The following TRAPPC9 variants were observed in gnomAD, a reference collection of about 807,000 sequenced individuals.
TRAPPC9 encodes trafficking protein particle complex subunit 9.
Under a neutral mutation model 124.0 loss-of-function variants are expected in TRAPPC9, and 83 were observed. That is an observed-to-expected ratio of 0.67 (90% CI 0.56 to 0.80). The LOEUF (loss-of-function observed/expected upper bound fraction) is 0.80, where lower values mean the gene tolerates loss of function less well. TRAPPC9 is among the 30% of genes least tolerant of loss of function. The pLI is 0.00. For synonymous variants in TRAPPC9, 638 were observed against 617.5 expected, an observed-to-expected ratio of 1.03 and a Z score of -0.49; for missense variants, 1,302 against 1,508.3, an observed-to-expected ratio of 0.86 and a Z score of 2.27.
intron 17 of TRAPPC9, among the ~76,000 whole-genome samples, chr8:140,092,760 G>T (rs941220660): frequency 2.6e-5 from 4 of 152,116 alleles, no homozygotes; most frequent in African/African-American, 9.7e-5. Flanking sequence ...TGGAAATGAT[G>T]GTGACTTTTT....
At chr8:140,192,622 C>T (rs185516758) in intron 17 of TRAPPC9, among the ~76,000 whole-genome samples, 4 of 152,306 alleles carry the variant, frequency 2.6e-5, no homozygotes, top group South Asian at 2.1e-4. Flanking sequence ...AAACCTGCTC[C>T]GACGAGGTTT....
At chr8:140,187,280 G>C (rs1002990978) in intron 17 of TRAPPC9, among the ~76,000 whole-genome samples, 1 of 152,160 alleles carries the variant, frequency 6.6e-6, no homozygotes, top group Non-Finnish European at 1.5e-5. Context: ...TTGAGTATAC[G>C]CGGGGGCCTT....
In TRAPPC9 at chr8:139,851,165, C is replaced by G. The variant is rs144076757; in HGVS notation, c.3055+34714G>C. 1.2e-3 allele frequency among the ~76,000 whole-genome samples: 184 copies of G among 152,320 alleles called. No homozygotes were observed. The South Asian group carries it at 0.016, about 14-fold the overall frequency. On this transcript the variant is annotated intron_variant, in intron 21 of 22. Coordinates refer to ENST00000438773, the MANE Select transcript of TRAPPC9 (RefSeq NM_001160372.4). ...ACTTCTGTATAACAATGTGATCAGA[C>G]AGCGATATGAACCACTGCAGAGAGG...
intron 21 of TRAPPC9, among the ~76,000 whole-genome samples, 197 bp from the exon 22 acceptor site, chr8:139,732,399 G>C (rs1467296939): frequency 6.6e-6 from 1 of 152,252 alleles, no homozygotes; most frequent in Non-Finnish European, 1.5e-5. Context: ...TGGCAAAGAC[G>C]GGTGTGGTGG....
intron 19 of TRAPPC9, among the ~76,000 whole-genome samples, chr8:139,919,895 C>T (rs1329748909): frequency 1.3e-5 from 2 of 152,226 alleles, no homozygotes; most frequent in African/African-American, 2.4e-5. Flanking sequence ...AGACTCCAGG[C>T]GCGGCATGGC....
intron 7 of TRAPPC9, among the ~76,000 whole-genome samples, chr8:140,389,298 A>G (rs973653301): frequency 5.9e-5 from 9 of 151,698 alleles, no homozygotes; most frequent in African/African-American, 1.9e-4. Context: ...TCATTGAACT[A>G]CTCCTGCAGC....
intron 21 of TRAPPC9, among the ~76,000 whole-genome samples, chr8:139,802,547 T>C (rs1268653595): frequency 6.6e-6 from 1 of 152,212 alleles, no homozygotes; most frequent in Non-Finnish European, 1.5e-5. Flanking sequence ...GAAATGAGGT[T>C]GCTACTAAAC....
chr8:139,992,934 A>G (rs1305645585), intron 18 of TRAPPC9, among the ~76,000 whole-genome samples: 3 of 152,160 alleles, frequency 2.0e-5, no homozygotes, highest in Non-Finnish European at 4.4e-5. Flanking sequence ...ATATAGAAAA[A>G]CAATATTTAA....
At chr8:139,824,684 T>TC (rs1274427086) in intron 21 of TRAPPC9, among the ~76,000 whole-genome samples, 2 of 152,148 alleles carry the variant, frequency 1.3e-5, no homozygotes, top group African/African-American at 4.8e-5. Flanking sequence ...CATCGGCCTC[T>TC]GGAGTAGCTG....
chr8:140,410,569 C>T (rs751499161), intron 5 of TRAPPC9, among the ~76,000 whole-genome samples: 1 of 152,100 alleles, frequency 6.6e-6, no homozygotes, highest in Non-Finnish European at 1.5e-5. Flanking sequence ...AAAGGCCGGG[C>T]GCAGTGGCTC....
intron 16 of TRAPPC9, among the ~76,000 whole-genome samples, chr8:140,222,003 G>A (rs754512237): frequency 5.7e-4 from 87 of 152,170 alleles, no homozygotes; most frequent in Non-Finnish European, 1.5e-4. Flanking sequence ...TCTACTATGA[G>A]TAAAAGCTGA....
At chr8:140,162,483 A>T (rs145089157) in intron 17 of TRAPPC9, among the ~76,000 whole-genome samples, 70 of 152,370 alleles carry the variant, frequency 4.6e-4, no homozygotes, top group Non-Finnish European at 8.4e-4. Context: ...TATTTCCAGA[A>T]CTAAGTCCAG....
chr8:140,446,293 CAAAAAAAAAA>C lies in TRAPPC9; in HGVS notation c.584+4487_584+4496del, dbSNP rs59393001. 2.7e-5 allele frequency among the ~76,000 whole-genome samples: 3 copies of C among 110,328 alleles called. No individual in the cohort carries two copies. The South Asian group carries it at 8.8e-4, about 32-fold the overall frequency. The allele number at this position is 110,328 out of a possible 152,430, so 72.4% of individuals were successfully genotyped here. A position where few individuals can be genotyped will look rare whatever the true frequency, so the allele number is the denominator to read the frequency against. On this transcript the variant is annotated intron_variant, in intron 2 of 22. Transcript: ENST00000438773. ...TGGGCGAAAGAGTAAGACTCTGTCT[CAAAAAAAAAA>C]AAAAAAAAAGCAGACACAGTTATTT...
intron 21 of TRAPPC9, among the ~76,000 whole-genome samples, chr8:139,786,080 C>A (rs1053006675): frequency 1.3e-5 from 2 of 152,094 alleles, no homozygotes; most frequent in South Asian, 4.2e-4. Context: ...TGGTGGCGGG[C>A]GCCTGTAATT....
rs138057559 is a variant in TRAPPC9 at position 139,813,854 on chromosome 8, C to T, written c.3055+72025G>A. ...GGTGACAGCGCCAGGGCAGAGGTGA[C>T]GGCACCGGGGGTGAGGTGACGGTGC... On this transcript the variant is annotated intron_variant, in intron 21 of 22. Transcript: ENST00000438773. 6.8e-3 allele frequency among the ~76,000 whole-genome samples: 1,030 copies of T among 152,138 alleles called. 43 individuals carry two copies. The highest frequency in any genetic ancestry group is 0.062 in the Admixed American group (943 of 15,284).
intron 21 of TRAPPC9, among the ~76,000 whole-genome samples, chr8:139,757,178 G>GGT: frequency 7.7e-6 from 1 of 129,088 alleles, no homozygotes. Flanking sequence ...AGGGTTTAGG[G>GGT]ATGAGGACAG....
chr8:139,892,753 C>T (rs1830426805), intron 20 of TRAPPC9, among the ~76,000 whole-genome samples: 1 of 152,214 alleles, frequency 6.6e-6, no homozygotes, highest in South Asian at 2.1e-4. Context: ...GGGTACTCCT[C>T]CACTATAGAA....
chr8:140,451,203 G>C lies in TRAPPC9; in HGVS notation c.171C>G (p.Tyr57Ter). The C allele has an allele frequency of 6.2e-7, 1 of 1,614,176 alleles. No individual in the cohort carries two copies. The highest frequency in any genetic ancestry group is 8.5e-7 in the Non-Finnish European group (1 of 1,180,032). Residue 57 changes from tyrosine (Y) to a stop codon, truncating the protein, a stop_gained, in exon 2 of 23, where the codon TAC becomes TAG. Transcript: ENST00000438773. LOFTEE classifies it high-confidence loss of function. ...RDSQRVLYIR[Y>*]RHHYPPENNE... ...TGTTCTCGGGTGGGTAGTGGTGCCTGTAGCGGATGTAGAGGACTCGCTGGG... is the reference window on the plus strand; with the variant it reads ...TGTTCTCGGGTGGGTAGTGGTGCCTCTAGCGGATGTAGAGGACTCGCTGGG...
intron 18 of TRAPPC9, among the ~76,000 whole-genome samples, chr8:140,006,511 G>C (rs1383819103): frequency 5.9e-5 from 9 of 152,102 alleles, no homozygotes; most frequent in Admixed American, 3.3e-4. Flanking sequence ...TTGTACCCAA[G>C]AGAAATGAAA....
Sources: allele counts gnomAD v4.1 joint callset (sites outside exome capture counted in the v4.1 genomes callset), GRCh38; gene constraint gnomAD v4.1.1; transcripts MANE v1.5; gene names NCBI Gene and HGNC (gene_info 2026-07-23, HGNC 2026-07-21).